The following COL25A1 variants were observed in gnomAD, a reference collection of about 807,000 sequenced individuals.
COL25A1 encodes collagen alpha-1(XXV) chain.
COL25A1 carries 103 observed loss-of-function variants against 128.4 expected under a neutral mutation model. The ratio of observed to expected loss-of-function variants is 0.80; its 90% CI spans 0.68 to 0.94. COL25A1 has a LOEUF of 0.94. Ranked by LOEUF, COL25A1 falls within the 40% of genes least tolerant of loss-of-function variation. The probability of loss-of-function intolerance (pLI) is 0.00; values close to 1 mark genes in which losing one functional copy is unlikely to be tolerated. For missense variants in COL25A1, 745 were observed against 840.0 expected (o/e 0.89, Z 1.40); for synonymous variants, 279 against 277.2 (o/e 1.01, Z -0.06).
At chr4:109,102,654 T>C (rs1226848281) in intron 3 of COL25A1, among the ~76,000 whole-genome samples, 1 of 152,188 alleles carries the variant, frequency 6.6e-6, no homozygotes, top group Admixed American at 6.5e-5. Flanking sequence ...TCTGTTAATG[T>C]TTGCTTCATA....
rs556824577 is a variant in COL25A1 at position 108,834,272 on chromosome 4, G to C, written c.1657-1839C>G. 370 of 1,354,888 alleles carry C rather than the reference G, an allele frequency of 2.7e-4. No individual in the cohort carries two copies. In the African/African-American group the frequency reaches 4.6e-3, roughly 17 times the overall value. The allele number at this position is 1,354,888 out of a possible 1,614,324, so 83.9% of individuals were successfully genotyped here. ...AGTACACCCTCATCATTTGATGAGAGGACATGGAGCAAAGGGGTCTGTGCT... is the reference window on the plus strand; with the variant it reads ...AGTACACCCTCATCATTTGATGAGACGACATGGAGCAAAGGGGTCTGTGCT... On this transcript the variant is annotated intron_variant, in intron 31 of 37. Transcript: ENST00000399132.
chr4:108,965,298 A>T (rs1297518046), intron 8 of COL25A1, among the ~76,000 whole-genome samples: 1 of 152,210 alleles, frequency 6.6e-6, no homozygotes. Flanking sequence ...CTTAGGACTC[A>T]TTTAAAACCA....
At chr4:108,970,864 GT>G (rs145459054) in intron 8 of COL25A1, among the ~76,000 whole-genome samples, 4,078 of 152,214 alleles carry the variant, frequency 0.027, 128 homozygotes, top group African/African-American at 0.075. Flanking sequence ...CATCCATGCT[GT>G]TGGCAAATGA....
chr4:108,873,559 T>TAGTAGTAGTAGC (rs1210453791), intron 19 of COL25A1, among the ~76,000 whole-genome samples: 2 of 106,234 alleles, frequency 1.9e-5, no homozygotes, highest in African/African-American at 6.0e-5. Flanking sequence ...GTAGTAGTAG[T>TAGTAGTAGTAGC]AGCAGCAGTA....
chr4:109,141,567 A>G (rs1352406654), intron 3 of COL25A1, among the ~76,000 whole-genome samples: 1 of 152,022 alleles, frequency 6.6e-6, no homozygotes, highest in Non-Finnish European at 1.5e-5. Flanking sequence ...CTGGTCCTGG[A>G]CTTCTTTTGG....
At chr4:108,935,806 G>C (rs1747327776) in intron 11 of COL25A1, among the ~76,000 whole-genome samples, 1 of 152,264 alleles carries the variant, frequency 6.6e-6, no homozygotes, top group African/African-American at 2.4e-5. Context: ...ATATCCTAGA[G>C]AGCATATGTA....
At chr4:109,111,604 G>C (rs1579401814) in intron 3 of COL25A1, among the ~76,000 whole-genome samples, 1 of 152,134 alleles carries the variant, frequency 6.6e-6, no homozygotes, top group South Asian at 2.1e-4. Flanking sequence ...TCAGACAGTG[G>C]ATAATGGCTG....
intron 8 of COL25A1, among the ~76,000 whole-genome samples, chr4:108,955,981 C>CA (rs201778168): frequency 7.4e-5 from 11 of 149,442 alleles, no homozygotes; most frequent in East Asian, 2.0e-4. Flanking sequence ...GAGCATTTGC[C>CA]AAAAAAAAAT....
intron 3 of COL25A1, among the ~76,000 whole-genome samples, chr4:109,202,546 T>C (rs889559938): frequency 6.6e-6 from 1 of 152,142 alleles, no homozygotes; most frequent in African/African-American, 2.4e-5. Flanking sequence ...CATGTGATCT[T>C]GGACTTGGTC....
intron 13 of COL25A1, 30 bp from the exon 14 acceptor site, chr4:108,901,202 T>TA: frequency 1.3e-6 from 2 of 1,510,690 alleles, no homozygotes; most frequent in Non-Finnish European, 1.8e-6. Context: ...TACTACTAAG[T>TA]AAAATAGACA....
intron 6 of COL25A1, among the ~76,000 whole-genome samples, chr4:108,999,646 A>C (rs1579036672): frequency 6.6e-6 from 1 of 152,208 alleles, no homozygotes; most frequent in African/African-American, 2.4e-5. Flanking sequence ...AAATCATGCT[A>C]CTATAAAGAC....
chr4:108,829,758 T>C (rs963683117), intron 32 of COL25A1, among the ~76,000 whole-genome samples: 1 of 152,178 alleles, frequency 6.6e-6, no homozygotes, highest in African/African-American at 2.4e-5. Context: ...CTTAAGCTAT[T>C]AACGACAATT....
At chr4:109,283,272 G>C (rs984029082) in intron 3 of COL25A1, among the ~76,000 whole-genome samples, 4 of 152,054 alleles carry the variant, frequency 2.6e-5, no homozygotes, top group Non-Finnish European at 4.4e-5. Context: ...TAAAGAAAAA[G>C]GGTCTCACTC....
chr4:108,889,724 C>A lies in COL25A1; in HGVS notation c.916G>T (p.Gly306Ter), dbSNP rs1437816010. ...KGDTGEKGDP[G>*]SSAAGIKGEP... ...ACCTTAATTCCTGCAGCAGATGATC[C>A]AGGGTCACCCTAAAACGAAACCCAG... The change falls in exon 17 of 38, where the codon GGA (glycine) becomes TGA (stop). Residue 306 changes from glycine (G) to a stop codon, truncating the protein, a stop_gained. Coordinates refer to ENST00000399132, the MANE Select transcript of COL25A1 (RefSeq NM_198721.4). LOFTEE classifies it high-confidence loss of function. The A allele has an allele frequency of 6.2e-7, 1 of 1,613,436 alleles. No homozygotes were observed.
chr4:109,078,736 G>C (rs924828449), intron 3 of COL25A1, among the ~76,000 whole-genome samples: 1 of 152,204 alleles, frequency 6.6e-6, no homozygotes, highest in African/African-American at 2.4e-5. Context: ...CAGAAATCTA[G>C]CATGGACTGT....
At chr4:109,269,395 G>A (rs561074246) in intron 3 of COL25A1, among the ~76,000 whole-genome samples, 270 of 145,662 alleles carry the variant, frequency 1.9e-3, no homozygotes, top group African/African-American at 6.5e-3. Flanking sequence ...ATAAACATAC[G>A]TGTGCATGTG....
At chr4:109,231,549 A>G (rs1345031980) in intron 3 of COL25A1, among the ~76,000 whole-genome samples, 4 of 152,202 alleles carry the variant, frequency 2.6e-5, no homozygotes, top group African/African-American at 7.2e-5. Context: ...CTCTTTTTAC[A>G]TGACGTGAGG....
chr4:109,113,021 A>G (rs1439425654), intron 3 of COL25A1, among the ~76,000 whole-genome samples: 1 of 152,172 alleles, frequency 6.6e-6, no homozygotes, highest in Non-Finnish European at 1.5e-5. Flanking sequence ...CTGAATCAGC[A>G]GCGGTGGCAG....
intron 3 of COL25A1, among the ~76,000 whole-genome samples, chr4:109,284,764 G>C (rs1255759219): frequency 6.6e-6 from 1 of 151,100 alleles, no homozygotes; most frequent in Non-Finnish European, 1.5e-5. Flanking sequence ...CCGGATTTAG[G>C]TTTTATAAAC....
Sources: gnomAD v4.1 joint callset for allele counts (sites outside exome capture counted in the v4.1 genomes callset) on GRCh38, gnomAD v4.1.1 for gene constraint, MANE v1.5 for transcripts, NCBI Gene and HGNC (gene_info 2026-07-23, HGNC 2026-07-21) for gene names.